Variants in MYRF observed in about 807,000 individuals in gnomAD.
The protein encoded by MYRF is myelin gene regulatory factor.
MYRF carries 16 observed loss-of-function variants against 126.3 expected under a neutral mutation model. That is an observed-to-expected ratio of 0.13 (90% CI 0.09 to 0.19). The LOEUF (loss-of-function observed/expected upper bound fraction) is 0.19, where lower values mean the gene tolerates loss of function less well. MYRF is among the 10% of genes least tolerant of loss of function. MYRF has a pLI of 1.00. For missense variants in MYRF, 1,104 were observed against 1,547.0 expected (o/e 0.71, Z 4.80); for synonymous variants, 608 against 635.3 (o/e 0.96, Z 0.65).
At chr11:61,752,928 A>G (rs2065645233) in intron 1 of MYRF, 138 bp downstream of exon 1, 7 of 818,030 alleles carry the variant, frequency 8.6e-6, no homozygotes, top group South Asian at 5.9e-5. Flanking sequence ...CAGCCCGCCA[A>G]GACAGGCTCC....
chr11:61,781,985 C>T, intron 22 of MYRF, 161 bp downstream of exon 22: 3 of 823,014 alleles, frequency 3.6e-6, no homozygotes, highest in East Asian at 5.6e-5. Flanking sequence ...TGCAGCCTTA[C>T]ATAGATCATC....
chr11:61,784,228 G>C (rs564734346), intron 24 of MYRF, 52 bp from the exon 25 acceptor site: 61 of 1,539,878 alleles, frequency 4.0e-5, no homozygotes, highest in Non-Finnish European at 5.4e-5. Context: ...GAGGGGGCTG[G>C]GGTTGAGGGA....
intron 26 of MYRF, 80 bp downstream of exon 26, chr11:61,785,954 C>T: frequency 6.4e-7 from 1 of 1,564,156 alleles, no homozygotes; most frequent in Non-Finnish European, 8.8e-7. Context: ...GGGGGGTTTG[C>T]ACAGTATGTG....
chr11:61,770,345 G>GGGC lies in MYRF; in HGVS notation c.560_561insGGC (p.Gly187_Pro188insAla). 79 of 1,504,356 alleles carry GGGC rather than the reference G, an allele frequency of 5.3e-5. No homozygotes were observed. The highest frequency in any genetic ancestry group is 6.4e-5 in the Non-Finnish European group (71 of 1,109,064). The allele number at this position is 1,504,356 out of a possible 1,614,324, so 93.2% of individuals were successfully genotyped here. ...CCCCCACCTCCAGCCCACTTGCCAG[G>GGGC]CCCCCCGCCACCCCCACCACCCCCA... On this transcript the variant is annotated inframe_insertion, in exon 5 of 27. Coordinates refer to ENST00000278836, the MANE Select transcript of MYRF (RefSeq NM_001127392.3).
Position 61,783,844 on chromosome 11 carries a change from C to T in MYRF, c.3120-7C>T. ...CTCAGGCTAAGGTGCCAGTTTTGCC[C>T]CTGCAGGCCTGGGAACTTCACCTAC... is the stretch of plus-strand genomic sequence containing the variant. On this transcript the variant is annotated splice_polypyrimidine_tract_variant and splice_region_variant and intron_variant, in intron 23 of 26. Transcript: ENST00000278836. This position sits in a 1 kb window ranked among gnomAD's most constrained non-coding sequence, Gnocchi z 4.6. 1 of 1,600,306 alleles carries T rather than the reference C, an allele frequency of 6.2e-7. No homozygotes were observed. The highest frequency in any genetic ancestry group is 8.5e-7 in the Non-Finnish European group (1 of 1,172,970).
rs1406554199 is a variant in MYRF, at chr11:61,766,183, C to T, written c.360C>T (p.Pro120=). 6.2e-7 allele frequency: 1 copy of T among 1,611,464 alleles called. No individual in the cohort carries two copies. Among genetic ancestry groups the T allele is most frequent in the Non-Finnish European group, 8.5e-7 (1 of 1,179,630 alleles). ...AGCCCTTCCCGGGGGGCACCGGGCC[C>T]CCCATCAAGGCTGAGCCCAAGGCTC... ...APKPFPGGTG[P]PIKAEPKAPY... is the part of the protein sequence containing the mutation. The change falls in exon 3 of 27, where the codon CCC becomes CCT. Residue 120 remains proline, a synonymous_variant. Coordinates refer to ENST00000278836, the MANE Select transcript of MYRF (RefSeq NM_001127392.3).
rs2066506692 is a variant in MYRF, at chr11:61,780,276, G to A, written c.2391G>A (p.Leu797=). Residue 797 remains leucine, a synonymous_variant, in exon 18 of 27, where the codon CTG becomes CTA. Coordinates refer to ENST00000278836, the MANE Select transcript of MYRF (RefSeq NM_001127392.3). ...YVLSLRTEED[L]VDTDGSFAVS... is the part of the protein sequence containing the mutation. Reference sequence around the variant, plus strand: ...TGAGCCTGCGCACAGAGGAGGACCTGGTAGACACTGATGGGTAGGTTCCTG... The same window carrying A: ...TGAGCCTGCGCACAGAGGAGGACCTAGTAGACACTGATGGGTAGGTTCCTG... 1.2e-6 allele frequency: 2 copies of A among 1,613,092 alleles called. No individual in the cohort carries two copies. The highest frequency in any genetic ancestry group is 2.2e-5 in the East Asian group (1 of 44,880).
Position 61,757,442 on chromosome 11 carries a change from G to T in MYRF, c.46+4652G>T. On this transcript the variant is annotated intron_variant, in intron 1 of 26. Coordinates refer to ENST00000278836, the MANE Select transcript of MYRF (RefSeq NM_001127392.3). This position sits in a 1 kb window ranked among gnomAD's most constrained non-coding sequence, Gnocchi z 4.7. ...GGGTGATTAGGTAAGATTGTGCCTG[G>T]CCTGGTGAACACTCCATTGGTCCAT... 1 of 453,880 alleles carries T rather than the reference G, an allele frequency of 2.2e-6. No homozygotes were observed. The allele number at this position is 453,880 out of a possible 1,614,324, so 28.1% of individuals were successfully genotyped here. A position where few individuals can be genotyped will look rare whatever the true frequency, so the allele number is the denominator to read the frequency against.
chr11:61,766,003 C>T lies in MYRF; in HGVS notation c.180C>T (p.Ser60=), dbSNP rs781166867. 6.3e-7 allele frequency: 1 copy of T among 1,578,324 alleles called. No homozygotes were observed. The highest frequency in any genetic ancestry group is 1.8e-5 in the Admixed American group (1 of 55,036). The change falls in exon 3 of 27, where the codon TCC becomes TCT. Residue 60 remains serine (S), a synonymous_variant. Coordinates refer to ENST00000278836, the MANE Select transcript of MYRF (RefSeq NM_001127392.3). The part of the protein sequence containing the change: ...ISAPASSASY[S]HGQPAMPGSS... The stretch of plus-strand genomic sequence containing the variant: ...CTCCAGCCAGCTCGGCCTCCTACTC[C>T]CACGGGCAGCCTGCGATGCCTGGCT...
chr11:61,769,372 GGGGCGGCCTTATCA>G, intron 4 of MYRF, 51 bp downstream of exon 4: 2 of 1,473,276 alleles, frequency 1.4e-6, no homozygotes, highest in Non-Finnish European at 1.9e-6. Flanking sequence ...GCAAGTAGTT[GGGGCGGCCTTATCA>G]GGGAGGTAGG....
At position 61,755,672 on chromosome 11, in the gene MYRF, C is replaced by T. The variant is rs972454144; in HGVS notation, c.46+2882C>T. On this transcript the variant is annotated intron_variant, in intron 1 of 26. Transcript: ENST00000278836. ...AGGGGGTGGCAGAGAAGAACCTCAG[C>T]TCTGAAGAAGCTCACTGCCCAGCCC... 8.5e-6 allele frequency: 6 copies of T among 708,236 alleles called. No homozygotes were observed. The African/African-American group carries it at 1.0e-4, about 12-fold the overall frequency. The allele number at this position is 708,236 out of a possible 1,614,324, so 43.9% of individuals were successfully genotyped here.
chr11:61,779,205 C>G, intron 14 of MYRF, 58 bp from the exon 15 acceptor site: 1 of 1,498,424 alleles, frequency 6.7e-7, no homozygotes, highest in East Asian at 2.5e-5. Context: ...CTGGGGCTCC[C>G]GGGGCTGACT....
intron 5 of MYRF, 108 bp downstream of exon 5, chr11:61,770,633 C>A (rs1416429729): frequency 3.7e-6 from 4 of 1,095,318 alleles, no homozygotes; most frequent in African/African-American, 1.6e-5. Context: ...GGGATGCACC[C>A]AGGGAGGGCA....
Position 61,757,788 on chromosome 11 carries a change from C to T in MYRF, c.46+4998C>T, listed in dbSNP as rs969119478. 9.7e-5 allele frequency: 32 copies of T among 330,928 alleles called. 1 individual carries two copies. The highest frequency in any genetic ancestry group is 4.0e-4 in the South Asian group (17 of 42,420). The allele number at this position is 330,928 out of a possible 1,614,324, so 20.5% of individuals were successfully genotyped here. Reference sequence around the variant, plus strand: ...TGGGGTGCAGTGGAAGCGTGGGTGACGGCCTCCCATTTCTGAGGGGGACTG... The same window carrying T: ...TGGGGTGCAGTGGAAGCGTGGGTGATGGCCTCCCATTTCTGAGGGGGACTG... On this transcript the variant is annotated intron_variant, in intron 1 of 26. Coordinates refer to ENST00000278836, the MANE Select transcript of MYRF (RefSeq NM_001127392.3). The surrounding 1 kb of genome is among the most constrained non-coding windows in gnomAD (Gnocchi z 4.7).
chr11:61,770,040 C>A (rs1045983892), intron 4 of MYRF, among the ~76,000 whole-genome samples: 2 of 152,026 alleles, frequency 1.3e-5, no homozygotes, highest in African/African-American at 4.8e-5. Flanking sequence ...TGAAAGGCTG[C>A]CCCTCCTTGG....
At chr11:61,782,071 ACT>A (rs2066567133) in intron 22 of MYRF, 1 of 473,116 alleles carries the variant, frequency 2.1e-6, no homozygotes, top group Non-Finnish European at 3.6e-6. Flanking sequence ...TGGGATGGAG[ACT>A]AAGGTGAAGT....
chr11:61,775,331 C>T (rs1336967201), intron 8 of MYRF, among the ~76,000 whole-genome samples: 1 of 152,174 alleles, frequency 6.6e-6, no homozygotes, highest in East Asian at 1.9e-4. Flanking sequence ...TCGCAGCCCC[C>T]GCCCTCCACC....
intron 22 of MYRF, 144 bp downstream of exon 22, chr11:61,781,968 T>G (rs1398024108): frequency 9.7e-7 from 1 of 1,033,826 alleles, no homozygotes; most frequent in Non-Finnish European, 1.3e-6. Flanking sequence ...GGATCAGGAA[T>G]CAGGCCTGCA....
In MYRF at chr11:61,776,460, G is replaced by GC. The variant is rs762829055; in HGVS notation, c.1499+32dup. Reference sequence around the variant, plus strand: ...GAGCAGGTGGGGGCCCTGCCCCGGAGCCCCTCCATTTCTGAGGCAGGAAGA... The same window carrying GC: ...GAGCAGGTGGGGGCCCTGCCCCGGAGCCCCCTCCATTTCTGAGGCAGGAAGA... On this transcript the variant is annotated intron_variant, in intron 10 of 26. Transcript: ENST00000278836. The surrounding 1 kb of genome is among the most constrained non-coding windows in gnomAD (Gnocchi z 4.3). The GC allele has an allele frequency of 6.3e-7, 1 of 1,585,776 alleles. No homozygotes were observed.
Sources: allele counts gnomAD v4.1 joint callset (sites outside exome capture counted in the v4.1 genomes callset), GRCh38; gene constraint gnomAD v4.1.1; non-coding constraint Gnocchi (gnomAD v3.1); transcripts MANE v1.5; gene names NCBI Gene and HGNC (gene_info 2026-07-23, HGNC 2026-07-21).